The following EBF1 variants were observed in gnomAD, a reference collection of about 807,000 sequenced individuals.
EBF1 encodes the protein transcription factor COE1.
A neutral mutation model predicts 68.4 loss-of-function variants in EBF1; 10 were observed. The ratio of observed to expected loss-of-function variants is 0.15; its 90% confidence interval spans 0.09 to 0.25. EBF1 has a LOEUF of 0.25. Among genes scored for constraint, EBF1 ranks in the 10% least tolerant of loss-of-function variants. The pLI is 1.00. For synonymous variants in EBF1, 298 were observed against 299.8 expected (o/e 0.99, Z 0.06); for missense variants, 509 against 794.4 (o/e 0.64, Z 4.32).
At chr5:159,039,082 A>G (rs1770676068) in intron 6 of EBF1, among the ~76,000 whole-genome samples, 1 of 152,246 alleles carries the variant, frequency 6.6e-6, no homozygotes, top group Admixed American at 6.5e-5. Context: ...CATTTACTCA[A>G]TCTGCTAACC....
At chr5:159,060,951 C>T (rs904747566) in intron 6 of EBF1, among the ~76,000 whole-genome samples, 1 of 151,504 alleles carries the variant, frequency 6.6e-6, no homozygotes, top group Non-Finnish European at 1.5e-5. Flanking sequence ...CACACACACA[C>T]ACACACACAC....
At chr5:159,097,204 C>A in intron 1 of EBF1, 74 bp from the exon 2 acceptor site, 1 of 1,493,874 alleles carries the variant, frequency 6.7e-7, no homozygotes, top group Non-Finnish European at 9.0e-7. Flanking sequence ...TGTACACACA[C>A]TCGAACCCTC....
chr5:158,776,801 C>T (rs980029888), intron 10 of EBF1, among the ~76,000 whole-genome samples: 3 of 152,180 alleles, frequency 2.0e-5, no homozygotes, highest in Non-Finnish European at 4.4e-5. Flanking sequence ...TTAGCGTACA[C>T]ATTGGGCACT....
intron 6 of EBF1, among the ~76,000 whole-genome samples, chr5:159,019,301 A>G (rs1766213811): frequency 1.3e-5 from 2 of 152,238 alleles, no homozygotes; most frequent in Non-Finnish European, 2.9e-5. Context: ...TTAACAGGAG[A>G]ATATTTAAAC....
intron 10 of EBF1, among the ~76,000 whole-genome samples, chr5:158,748,162 A>G (rs1463158874): frequency 2.6e-5 from 4 of 152,222 alleles, no homozygotes; most frequent in Admixed American, 6.5e-5. Flanking sequence ...GTTAAGACAT[A>G]TGTTTTAAAA....
chr5:158,770,692 T>C (rs993310110), intron 10 of EBF1, among the ~76,000 whole-genome samples: 2 of 152,214 alleles, frequency 1.3e-5, no homozygotes, highest in East Asian at 3.9e-4. Context: ...GCTGGAAGGC[T>C]CATTCCCTAA....
rs1238571844 is a variant in EBF1 at position 158,698,080 on chromosome 5, T to C, written c.*1031A>G. 2.3e-5 allele frequency: 5 copies of C among 217,180 alleles called. No individual in the cohort carries two copies. The East Asian group carries it at 3.4e-4, about 15-fold the overall frequency. 13.5% of individuals were successfully genotyped at this position (217,180 alleles called of 1,614,324 possible). On this transcript the variant is annotated 3_prime_UTR_variant, in exon 16 of 16. Coordinates refer to ENST00000313708, the MANE Select transcript of EBF1 (RefSeq NM_024007.5). ...GTATCTGGAATGGGAAAATCGAAAA[T>C]ACCTGCCACGTTGCTTTTATCAACT...
At chr5:159,012,236 G>A (rs571523988) in intron 6 of EBF1, among the ~76,000 whole-genome samples, 2 of 151,640 alleles carry the variant, frequency 1.3e-5, no homozygotes, top group Non-Finnish European at 2.9e-5. Flanking sequence ...GCAGTGAGCT[G>A]AGATCGCGCC....
At position 158,839,951 on chromosome 5, in the gene EBF1, T is replaced by A; in HGVS notation, c.636+78A>T. 2.8e-6 allele frequency: 4 copies of A among 1,419,384 alleles called. No individual in the cohort carries two copies. The South Asian group carries it at 3.5e-5, about 13-fold the overall frequency. The allele number at this position is 1,419,384 out of a possible 1,614,324, so 87.9% of individuals were successfully genotyped here. Reference sequence around the variant, plus strand: ...CACCTCTGGGAAAAAAAGCTACGTATCTTCTGCCTAAGACTTTTTTATCCT... The same window carrying A: ...CACCTCTGGGAAAAAAAGCTACGTAACTTCTGCCTAAGACTTTTTTATCCT... On this transcript the variant is annotated intron_variant, in intron 7 of 15. Coordinates refer to ENST00000313708, the MANE Select transcript of EBF1 (RefSeq NM_024007.5).
chr5:158,769,008 C>T (rs746548674), intron 10 of EBF1, among the ~76,000 whole-genome samples: 11 of 152,144 alleles, frequency 7.2e-5, no homozygotes, highest in Non-Finnish European at 1.0e-4. Context: ...TCAGTTCCTA[C>T]TTTTATTGTT....
chr5:158,797,343 T>A lies in EBF1; in HGVS notation c.779-868A>T, dbSNP rs148442073. ...TGTAATTCTTGGATTGTTTTTAAAA[T>A]CTCTCAGGGTGCACCTTCGTGCCAC... On this transcript the variant is annotated intron_variant, in intron 8 of 15. Coordinates refer to ENST00000313708, the MANE Select transcript of EBF1 (RefSeq NM_024007.5). Among the ~76,000 whole-genome samples the A allele has an allele frequency of 5.8e-4, 89 of 152,170 alleles. 1 individual carries two copies. In the East Asian group the frequency reaches 0.014, roughly 24 times the overall value.
At chr5:158,832,979 T>A (rs1289870290) in intron 7 of EBF1, among the ~76,000 whole-genome samples, 1 of 152,142 alleles carries the variant, frequency 6.6e-6, no homozygotes, top group Non-Finnish European at 1.5e-5. Flanking sequence ...AAACATGAGG[T>A]AAACATGAGT....
At chr5:158,757,365 C>T (rs764236561) in intron 10 of EBF1, among the ~76,000 whole-genome samples, 1 of 152,140 alleles carries the variant, frequency 6.6e-6, no homozygotes, top group African/African-American at 2.4e-5. Flanking sequence ...CTTTAACTGT[C>T]TCTCATTACA....
intron 10 of EBF1, among the ~76,000 whole-genome samples, chr5:158,745,865 T>A: frequency 6.6e-6 from 1 of 152,158 alleles, no homozygotes; most frequent in East Asian, 1.9e-4. Context: ...CCAATCAGCC[T>A]CCACCTTCAG....
chr5:158,875,523 C>A (rs978834194), intron 6 of EBF1, among the ~76,000 whole-genome samples: 1 of 152,120 alleles, frequency 6.6e-6, no homozygotes, highest in Non-Finnish European at 1.5e-5. Context: ...ATTCATAAGA[C>A]AAAACAAATA....
intron 8 of EBF1, among the ~76,000 whole-genome samples, chr5:158,814,179 A>G (rs1783243085): frequency 1.3e-5 from 2 of 152,140 alleles, no homozygotes; most frequent in Non-Finnish European, 1.5e-5. Flanking sequence ...CCCTGTCTCT[A>G]CAAAATCAAA....
intron 6 of EBF1, among the ~76,000 whole-genome samples, chr5:158,924,901 C>T (rs1809319734): frequency 6.6e-6 from 1 of 150,918 alleles, no homozygotes; most frequent in Non-Finnish European, 1.5e-5. Flanking sequence ...CGTGCCCATC[C>T]TTCCTTTCTG....
At chr5:158,760,099 T>C (rs537519515) in intron 10 of EBF1, among the ~76,000 whole-genome samples, 192 of 152,338 alleles carry the variant, frequency 1.3e-3, no homozygotes, top group African/African-American at 4.4e-3. Context: ...TTTAAGACTT[T>C]AGAAATTCTA....
chr5:158,908,634 A>G (rs534759619), intron 6 of EBF1, among the ~76,000 whole-genome samples: 7 of 152,154 alleles, frequency 4.6e-5, no homozygotes, highest in Non-Finnish European at 1.0e-4. Context: ...ACAGTTCCCA[A>G]CCTCATTTTA....
Sources: allele counts gnomAD v4.1 joint callset (sites outside exome capture counted in the v4.1 genomes callset), GRCh38; gene constraint gnomAD v4.1.1; transcripts MANE v1.5; gene names NCBI Gene and HGNC (gene_info 2026-07-23, HGNC 2026-07-21).